The following IGSF11 variants were observed in gnomAD, a reference collection of about 807,000 sequenced individuals.
IGSF11 encodes immunoglobulin superfamily member 11.
Under a neutral mutation model 41.0 loss-of-function variants are expected in IGSF11, and 22 were observed. That is an observed-to-expected ratio of 0.54 (90% CI 0.38 to 0.77). The LOEUF (loss-of-function observed/expected upper bound fraction) is 0.77, where lower values mean the gene tolerates loss of function less well. Among genes scored for constraint, IGSF11 ranks in the 30% least tolerant of loss-of-function variants. The pLI is 0.00. For missense variants in IGSF11, 444 were observed against 530.8 expected, an observed-to-expected ratio of 0.84 and a Z score of 1.61; for synonymous variants, 219 against 201.3, an observed-to-expected ratio of 1.09 and a Z score of -0.74.
chr3:119,099,986 G>A (rs2076916063), intron 1 of IGSF11, among the ~76,000 whole-genome samples: 1 of 151,610 alleles, frequency 6.6e-6, no homozygotes, highest in Non-Finnish European at 1.5e-5. Flanking sequence ...AGGATACGCT[G>A]GGCAAAGGAA....
At chr3:119,049,856 C>G in intron 1 of IGSF11, among the ~76,000 whole-genome samples, 1 of 148,204 alleles carries the variant, frequency 6.7e-6, no homozygotes, top group African/African-American at 2.5e-5. Flanking sequence ...ATATCTACAA[C>G]TATCTGATCT....
At chr3:118,911,729 GAGAGAGAGAA>G (rs1238459704) in intron 4 of IGSF11, among the ~76,000 whole-genome samples, 1 of 151,150 alleles carries the variant, frequency 6.6e-6, no homozygotes, top group East Asian at 1.9e-4. Flanking sequence ...CACAGAGAGA[GAGAGAGAGAA>G]AGAGAGAGAG....
chr3:119,141,172 G>A (rs913809799), intron 1 of IGSF11, among the ~76,000 whole-genome samples: 8 of 151,456 alleles, frequency 5.3e-5, no homozygotes, highest in Admixed American at 5.3e-4. Flanking sequence ...ATTAACCAAT[G>A]GATTAAAGAA....
At chr3:119,056,749 C>T (rs1029882754) in intron 1 of IGSF11, among the ~76,000 whole-genome samples, 33 of 152,166 alleles carry the variant, frequency 2.2e-4, no homozygotes, top group African/African-American at 7.5e-4. Context: ...CCGAATCCAG[C>T]AGCACATCAA....
chr3:119,029,981 C>T (rs1040037842), intron 1 of IGSF11, among the ~76,000 whole-genome samples: 3 of 152,178 alleles, frequency 2.0e-5, no homozygotes, highest in Admixed American at 1.3e-4. Context: ...GGTACACTAC[C>T]ATTAGTGGCT....
At chr3:119,010,558 G>A (rs145711400) in intron 1 of IGSF11, among the ~76,000 whole-genome samples, 83 of 152,244 alleles carry the variant, frequency 5.5e-4, no homozygotes, top group African/African-American at 1.8e-3. Flanking sequence ...GCAGAGGAAG[G>A]GTGAATTAAA....
intron 1 of IGSF11, among the ~76,000 whole-genome samples, chr3:119,070,012 C>A (rs2076370228): frequency 6.6e-6 from 1 of 152,180 alleles, no homozygotes; most frequent in Non-Finnish European, 1.5e-5. Context: ...TGCAGCATCT[C>A]ATTAACATTG....
chr3:118,972,148 C>T (rs1933517956), intron 1 of IGSF11, among the ~76,000 whole-genome samples: 2 of 152,162 alleles, frequency 1.3e-5, no homozygotes, highest in South Asian at 4.1e-4. Context: ...TACATCTTGA[C>T]CTGAACTTGA....
intron 6 of IGSF11, 46 bp downstream of exon 6, chr3:118,904,602 A>G (rs775625852): frequency 1.4e-6 from 2 of 1,383,634 alleles, no homozygotes; most frequent in Non-Finnish European, 2.0e-6. Flanking sequence ...GAATAGAAGT[A>G]CACAATGGCT....
upstream of IGSF11, among the ~76,000 whole-genome samples, chr3:119,038,898 G>C (rs950582301): frequency 1.3e-5 from 2 of 152,156 alleles, no homozygotes; most frequent in African/African-American, 4.8e-5. Flanking sequence ...TAGAGACCTT[G>C]ATTTATTAAA....
At position 118,909,759 on chromosome 3, in the gene IGSF11, T is replaced by C. The variant is rs72966862; in HGVS notation, c.581-4041A>G. Among the ~76,000 whole-genome samples the C allele has an allele frequency of 5.0e-3, 767 of 152,388 alleles. 5 individuals are homozygous for C. Among genetic ancestry groups the C allele is most frequent in the African/African-American group, 0.017 (722 of 41,598 alleles). Reference sequence around the variant, plus strand: ...GATTTTGGTTTGGCATTGAAACAGATATTGCTTTTGCCAAATCAGATTTTA... The same window carrying C: ...GATTTTGGTTTGGCATTGAAACAGACATTGCTTTTGCCAAATCAGATTTTA... On this transcript the variant is annotated intron_variant, in intron 4 of 6. Transcript: ENST00000393775.
chr3:119,091,993 TG>T (rs56210576), intron 1 of IGSF11, among the ~76,000 whole-genome samples: 43,057 of 129,050 alleles, frequency 0.33, 6,810 homozygotes, highest in East Asian at 0.5. Flanking sequence ...TTGGTTTTTT[TG>T]GGGGGGGGGG....
intron 1 of IGSF11, among the ~76,000 whole-genome samples, chr3:119,129,609 A>C (rs922261017): frequency 2.6e-5 from 4 of 152,234 alleles, no homozygotes; most frequent in Admixed American, 6.5e-5. Context: ...AAGTTGCTAT[A>C]AACTTAAAAT....
At chr3:119,124,107 T>G (rs1006178848) in intron 1 of IGSF11, among the ~76,000 whole-genome samples, 1 of 151,964 alleles carries the variant, frequency 6.6e-6, no homozygotes, top group Admixed American at 6.6e-5. Flanking sequence ...TCAAAGAAAT[T>G]CAAGATTTCT....
chr3:118,921,367 TA>T (rs1209398550), intron 4 of IGSF11, among the ~76,000 whole-genome samples: 2 of 152,200 alleles, frequency 1.3e-5, no homozygotes, highest in African/African-American at 2.4e-5. Flanking sequence ...AAAGGTTAGA[TA>T]AAATCAAAAT....
intron 1 of IGSF11, among the ~76,000 whole-genome samples, chr3:119,096,250 T>C (rs1248960416): frequency 6.6e-6 from 1 of 152,010 alleles, no homozygotes; most frequent in Non-Finnish European, 1.5e-5. Flanking sequence ...TTAACTGGTC[T>C]ACCCCTTATG....
chr3:119,143,185 T>C (rs2077672444), intron 1 of IGSF11, among the ~76,000 whole-genome samples: 1 of 152,300 alleles, frequency 6.6e-6, no homozygotes, highest in Non-Finnish European at 1.5e-5. Context: ...ATAGGTGATT[T>C]AATAGCCAGC....
intron 1 of IGSF11, among the ~76,000 whole-genome samples, chr3:119,061,534 C>T (rs567317352): frequency 6.6e-6 from 1 of 152,252 alleles, no homozygotes; most frequent in South Asian, 2.1e-4. Flanking sequence ...TCATCAGGCT[C>T]CCCAGAAGTT....
At chr3:119,109,981 A>T (rs1478090512), upstream of IGSF11, among the ~76,000 whole-genome samples, 1 of 152,148 alleles carries the variant, frequency 6.6e-6, no homozygotes, top group African/African-American at 2.4e-5. Context: ...CTGTTCTGTC[A>T]CATTTGTTGA....
Sources: gnomAD v4.1 joint callset for allele counts (sites outside exome capture counted in the v4.1 genomes callset) on GRCh38, gnomAD v4.1.1 for gene constraint, MANE v1.5 for transcripts, NCBI Gene and HGNC (gene_info 2026-07-23, HGNC 2026-07-21) for gene names.